PRIM2: variants seen among roughly 807,000 people sequenced by gnomAD.
PRIM2 encodes the protein DNA primase large subunit.
PRIM2 carries 39 observed loss-of-function variants against 67.3 expected under a neutral mutation model. That is an observed-to-expected ratio of 0.58 (90% CI 0.45 to 0.76). PRIM2 has a LOEUF of 0.76. Ranked by LOEUF, PRIM2 falls within the 30% of genes least tolerant of loss-of-function variation. The probability of loss-of-function intolerance (pLI) is 0.00; values close to 1 mark genes in which losing one functional copy is unlikely to be tolerated. For synonymous variants in PRIM2, 143 were observed against 198.7 expected, an observed-to-expected ratio of 0.72 and a Z score of 2.36; for missense variants, 398 against 598.7, an observed-to-expected ratio of 0.66 and a Z score of 3.50.
At chr6:57,316,654 T>A (rs1346183880), upstream of PRIM2, among the ~76,000 whole-genome samples, 1 of 152,192 alleles carries the variant, frequency 6.6e-6, no homozygotes, top group Admixed American at 6.5e-5. Flanking sequence ...GGAGCCTCAT[T>A]CCAGCACATT....
intron 7 of PRIM2, among the ~76,000 whole-genome samples, chr6:57,499,128 T>C (rs1554346610): frequency 6.6e-6 from 1 of 152,210 alleles, no homozygotes; most frequent in Non-Finnish European, 1.5e-5. Context: ...ACAAGAGTTA[T>C]AGGAGCTACT....
rs1412470483 is a variant in PRIM2 at position 57,388,976 on chromosome 6, AC to A, written c.693+6809del. 2.6e-5 allele frequency among the ~76,000 whole-genome samples: 4 copies of A among 152,270 alleles called. No homozygotes were observed. The South Asian group carries it at 8.3e-4, about 32-fold the overall frequency. On this transcript the variant is annotated intron_variant, in intron 7 of 13. Transcript: ENST00000615550. The stretch of plus-strand genomic sequence containing the variant: ...CTGAGCTTGGTTTCCATACACTTCC[AC>A]TTGATTTCATTAAGCAGAGAACATA...
chr6:57,541,288 C>T (rs1213857529), intron 10 of PRIM2, among the ~76,000 whole-genome samples: 1 of 152,060 alleles, frequency 6.6e-6, no homozygotes, highest in Non-Finnish European at 1.5e-5. Flanking sequence ...GGGGTTTCAC[C>T]ATTTTGGCTA....
chr6:57,369,716 C>T (rs1254253793), intron 5 of PRIM2, among the ~76,000 whole-genome samples: 1 of 152,108 alleles, frequency 6.6e-6, no homozygotes, highest in African/African-American at 2.4e-5. Flanking sequence ...CATACTACAC[C>T]TTGATTATAA....
chr6:57,286,040 C>A, the PRIM2 span, among the ~76,000 whole-genome samples: 1 of 152,120 alleles, frequency 6.6e-6, no homozygotes, highest in African/African-American at 2.4e-5. Context: ...CCTAGGAATA[C>A]AAGTTACCAG....
chr6:57,348,444 G>A (rs539603759), intron 5 of PRIM2, among the ~76,000 whole-genome samples: 97 of 152,156 alleles, frequency 6.4e-4, no homozygotes, highest in Non-Finnish European at 1.2e-3. Context: ...GAAAAGAAAA[G>A]TTATGGACTT....
intron 7 of PRIM2, among the ~76,000 whole-genome samples, chr6:57,393,073 T>C (rs1770409334): frequency 6.6e-6 from 1 of 151,070 alleles, no homozygotes; most frequent in African/African-American, 2.5e-5. Context: ...GGCATTTGGA[T>C]TGGTTCCACG....
intron 7 of PRIM2, among the ~76,000 whole-genome samples, chr6:57,471,152 C>G (rs1773328461): frequency 6.6e-6 from 1 of 151,932 alleles, no homozygotes; most frequent in African/African-American, 2.4e-5. Flanking sequence ...TCTTGCCTTT[C>G]TCCAGGGACC....
chr6:57,241,736 G>C, the PRIM2 span, among the ~76,000 whole-genome samples: 29 of 142,300 alleles, frequency 2.0e-4, no homozygotes, highest in South Asian at 5.8e-3. Flanking sequence ...GCAGTGGCAC[G>C]ATCTCGGCTC....
At chr6:57,505,509 A>G (rs1303941373) in intron 7 of PRIM2, among the ~76,000 whole-genome samples, 1 of 152,206 alleles carries the variant, frequency 6.6e-6, no homozygotes, top group Non-Finnish European at 1.5e-5. Flanking sequence ...CCTAAAAGGA[A>G]AATTTTAAGA....
the PRIM2 span, among the ~76,000 whole-genome samples, chr6:57,256,980 A>C: frequency 0.012 from 1,863 of 152,278 alleles, 42 homozygotes; most frequent in African/African-American, 0.041. Flanking sequence ...AAAAAACCCT[A>C]ATCTTTCTTA....
At chr6:57,314,522 C>G (rs1030703973), upstream of PRIM2, among the ~76,000 whole-genome samples, 6 of 152,294 alleles carry the variant, frequency 3.9e-5, no homozygotes, top group Middle Eastern at 3.4e-3. Flanking sequence ...TCTCAAAAAA[C>G]AAAACAAAAC....
chr6:57,257,068 C>T, the PRIM2 span, among the ~76,000 whole-genome samples: 1 of 152,114 alleles, frequency 6.6e-6, no homozygotes, highest in Non-Finnish European at 1.5e-5. Flanking sequence ...CAGCTAGCCA[C>T]CCTGGGCCAG....
At chr6:57,262,959 G>C in the PRIM2 span, among the ~76,000 whole-genome samples, 18 of 152,224 alleles carry the variant, frequency 1.2e-4, no homozygotes, top group South Asian at 2.1e-4. Context: ...ACCACTGTGG[G>C]ATGGAAGTGG....
intron 11 of PRIM2, among the ~76,000 whole-genome samples, chr6:57,602,046 A>G (rs1281836474): frequency 1.4e-5 from 2 of 148,082 alleles, no homozygotes; most frequent in South Asian, 2.1e-4. Flanking sequence ...AGATAGATCT[A>G]TATATAAACA....
the PRIM2 span, among the ~76,000 whole-genome samples, chr6:57,285,562 A>G: frequency 3.3e-5 from 5 of 152,228 alleles, no homozygotes; most frequent in Admixed American, 6.5e-5. Flanking sequence ...GCCTTCGATA[A>G]AATTCAACAA....
At chr6:57,223,104 C>CACTAT in the PRIM2 span, among the ~76,000 whole-genome samples, 1 of 152,126 alleles carries the variant, frequency 6.6e-6, no homozygotes, top group Non-Finnish European at 1.5e-5. Flanking sequence ...TATAATGAAA[C>CACTAT]ACTATACAGC....
chr6:57,401,413 G>T (rs1162022795), intron 7 of PRIM2, among the ~76,000 whole-genome samples: 2 of 152,154 alleles, frequency 1.3e-5, no homozygotes. Flanking sequence ...AAGCTTTGGG[G>T]TGTGATGCGG....
chr6:57,456,288 A>G (rs1479207208), intron 7 of PRIM2, among the ~76,000 whole-genome samples: 2 of 152,128 alleles, frequency 1.3e-5, no homozygotes, highest in African/African-American at 2.4e-5. Flanking sequence ...CTCGAGGAGT[A>G]TCTTTGTGGC....
Sources: allele counts gnomAD v4.1 joint callset (sites outside exome capture counted in the v4.1 genomes callset), GRCh38; gene constraint gnomAD v4.1.1; transcripts MANE v1.5; gene names NCBI Gene and HGNC (gene_info 2026-07-23, HGNC 2026-07-21).